Variants in SIN3A observed in about 807,000 individuals in gnomAD.
The protein encoded by SIN3A is SIN3 transcription regulator family member A.
Under a neutral mutation model 146.1 loss-of-function variants are expected in SIN3A, and 14 were observed. That is an observed-to-expected ratio of 0.10 (90% CI 0.06 to 0.15). SIN3A has a LOEUF of 0.15. Ranked by LOEUF, SIN3A falls within the 10% of genes least tolerant of loss-of-function variation. The probability of loss-of-function intolerance (pLI) is 1.00; values close to 1 mark genes in which losing one functional copy is unlikely to be tolerated. For missense variants in SIN3A, 1,028 were observed against 1,576.0 expected (o/e 0.65, Z 5.89); for synonymous variants, 572 against 572.0 (o/e 1.00, Z 0.00).
At chr15:75,438,296 C>A (rs1328978712) in intron 1 of SIN3A, among the ~76,000 whole-genome samples, 1 of 151,692 alleles carries the variant, frequency 6.6e-6, no homozygotes, top group Non-Finnish European at 1.5e-5. Flanking sequence ...ACCCAGGGTG[C>A]GGAGGGTGCA....
chr15:75,380,796 T>C (rs2072950074), intron 18 of SIN3A, 73 bp from the exon 19 acceptor site: 8 of 995,694 alleles, frequency 8.0e-6, no homozygotes, highest in Non-Finnish European at 1.1e-5. Context: ...GGCACTCTAG[T>C]AAATTCTATG....
chr15:75,424,326 C>T (rs979352268), intron 2 of SIN3A, among the ~76,000 whole-genome samples: 1 of 151,124 alleles, frequency 6.6e-6, no homozygotes, highest in Admixed American at 6.6e-5. Context: ...CCCAGCTATT[C>T]GGGAGGCTGA....
At chr15:75,385,306 C>G (rs1482541170) in intron 16 of SIN3A, among the ~76,000 whole-genome samples, 2 of 152,300 alleles carry the variant, frequency 1.3e-5, no homozygotes, top group East Asian at 3.9e-4. Context: ...AGGGTTGGGA[C>G]TAAAAGTCAA....
At position 75,451,601 on chromosome 15, in the gene SIN3A, G is replaced by A. The variant is rs1295537538; in HGVS notation, c.-212C>T. The A allele has an allele frequency of 6.7e-6, 1 of 149,764 alleles. No homozygotes were observed. The highest frequency in any genetic ancestry group is 1.5e-5 in the Non-Finnish European group (1 of 67,318). 9.3% of individuals were successfully genotyped at this position (149,764 alleles called of 1,614,324 possible). Reference sequence around the variant, plus strand: ...CCCAGACTGGGAAGGAGGGAGGGAGGGAGGGAGGGAAACTCCGAGGGGGGA... The same window carrying A: ...CCCAGACTGGGAAGGAGGGAGGGAGAGAGGGAGGGAAACTCCGAGGGGGGA... On this transcript the variant is annotated 5_prime_UTR_variant, in exon 1 of 21. Coordinates refer to ENST00000394947, the MANE Select transcript of SIN3A (RefSeq NM_001145358.2).
chr15:75,428,211 C>T (rs1414819487), intron 2 of SIN3A, among the ~76,000 whole-genome samples: 1 of 152,194 alleles, frequency 6.6e-6, no homozygotes, highest in Non-Finnish European at 1.5e-5. Context: ...AGGTACTTGA[C>T]AAACTCTTGT....
At chr15:75,410,975 CAAA>C (rs36019521) in intron 6 of SIN3A, among the ~76,000 whole-genome samples, 3 of 127,736 alleles carry the variant, frequency 2.3e-5, no homozygotes, top group Admixed American at 8.3e-5. Context: ...AACTCTGTCT[CAAA>C]AAAAAAAAAA....
At chr15:75,425,677 A>C (rs2073912878) in intron 2 of SIN3A, among the ~76,000 whole-genome samples, 1 of 152,136 alleles carries the variant, frequency 6.6e-6, no homozygotes, top group African/African-American at 2.4e-5. Flanking sequence ...ATGCTACAAA[A>C]TTTTTTTCAG....
intron 1 of SIN3A, among the ~76,000 whole-genome samples, chr15:75,438,234 G>C (rs1469049287): frequency 2.0e-5 from 3 of 152,056 alleles, no homozygotes; most frequent in African/African-American, 4.8e-5. Context: ...GTGTGGTTGT[G>C]GGTGCCTGTA....
chr15:75,455,633 A>T (rs1311365268), upstream of SIN3A: 1 of 151,756 alleles, frequency 6.6e-6, no homozygotes, highest in Non-Finnish European at 1.5e-5. Context: ...TCCCTCGCCT[A>T]CCTCGGCCGC....
chr15:75,411,114 G>A (rs772994411), intron 6 of SIN3A, among the ~76,000 whole-genome samples: 17 of 152,154 alleles, frequency 1.1e-4, no homozygotes, highest in Non-Finnish European at 1.8e-4. Context: ...AGATCACAAG[G>A]TCAGGAGTTC....
At chr15:75,384,232 G>A in intron 17 of SIN3A, 32 bp downstream of exon 17, 1 of 1,553,044 alleles carries the variant, frequency 6.4e-7, no homozygotes, top group Non-Finnish European at 8.8e-7. Flanking sequence ...ATTGTCACCA[G>A]CAAGGTCTTC....
chr15:75,396,122 G>A, intron 13 of SIN3A, 136 bp downstream of exon 13: 1 of 696,624 alleles, frequency 1.4e-6, no homozygotes, highest in Non-Finnish European at 2.5e-6. Flanking sequence ...TTCTGCACCT[G>A]AATTCCAACA....
At chr15:75,409,807 C>A in intron 8 of SIN3A, 29 bp downstream of exon 8, 2 of 1,606,594 alleles carry the variant, frequency 1.2e-6, no homozygotes, top group South Asian at 1.1e-5. Context: ...TTGTGAGTGT[C>A]AAAATGAGCA....
intron 6 of SIN3A, 124 bp from the exon 7 acceptor site, chr15:75,410,410 G>C (rs1049081649): frequency 1.1e-6 from 1 of 934,868 alleles, no homozygotes; most frequent in South Asian, 1.8e-5. Context: ...TATGTTCTTA[G>C]CACCCGTTCT....
intron 1 of SIN3A, among the ~76,000 whole-genome samples, chr15:75,440,826 C>T (rs914042498): frequency 4.0e-5 from 6 of 151,622 alleles, no homozygotes; most frequent in Admixed American, 2.0e-4. Context: ...ACCAAAAATA[C>T]AAAAAATTAG....
At chr15:75,430,463 A>T in intron 1 of SIN3A, 55 bp from the exon 2 acceptor site, 1 of 1,365,950 alleles carries the variant, frequency 7.3e-7, no homozygotes, top group Non-Finnish European at 9.8e-7. Context: ...AGTATGATGT[A>T]CGCCACTTAG....
intron 9 of SIN3A, among the ~76,000 whole-genome samples, chr15:75,404,454 A>C (rs996466683): frequency 6.6e-6 from 1 of 152,140 alleles, no homozygotes; most frequent in African/African-American, 2.4e-5. Flanking sequence ...GTTTAAGAAA[A>C]AGTACTAAGA....
chr15:75,406,040 G>A (rs2073506141), intron 9 of SIN3A, among the ~76,000 whole-genome samples: 1 of 152,148 alleles, frequency 6.6e-6, no homozygotes, highest in African/African-American at 2.4e-5. Context: ...GGGATCAGGA[G>A]ATACTAATCA....
upstream of SIN3A, among the ~76,000 whole-genome samples, chr15:75,452,795 T>C (rs1029476793): frequency 6.6e-6 from 1 of 152,220 alleles, no homozygotes; most frequent in African/African-American, 2.4e-5. Context: ...GGCCACGGCA[T>C]AAATTAACAT....
Sources: gnomAD v4.1 joint callset for allele counts (sites outside exome capture counted in the v4.1 genomes callset) on GRCh38, gnomAD v4.1.1 for gene constraint, MANE v1.5 for transcripts, NCBI Gene and HGNC (gene_info 2026-07-23, HGNC 2026-07-21) for gene names.